NEK11: variants seen among roughly 807,000 people sequenced by gnomAD.
NEK11 encodes the protein serine/threonine-protein kinase Nek11.
Under a neutral mutation model 80.7 loss-of-function variants are expected in NEK11, and 72 were observed. The observed-to-expected ratio is 0.89, with a 90% confidence interval of 0.74 to 1.08. NEK11 has a LOEUF of 1.08. Ranked by LOEUF, NEK11 falls within the 50% of genes least tolerant of loss-of-function variation. The probability of loss-of-function intolerance (pLI) is 0.00; values close to 1 mark genes in which losing one functional copy is unlikely to be tolerated. For synonymous variants in NEK11, 251 were observed against 260.7 expected (o/e 0.96, Z 0.36); for missense variants, 764 against 763.6 (o/e 1.00, Z -0.01).
chr3:131,282,172 G>T (rs2096405624), intron 17 of NEK11, among the ~76,000 whole-genome samples: 2 of 152,024 alleles, frequency 1.3e-5, no homozygotes, highest in African/African-American at 4.8e-5. Flanking sequence ...AGGGGTTTGT[G>T]GTGTTCTAAA....
intron 14 of NEK11, chr3:131,174,988 G>C: frequency 7.3e-7 from 1 of 1,371,332 alleles, no homozygotes; most frequent in Non-Finnish European, 9.4e-7. Flanking sequence ...AATGCTCAGA[G>C]ATAGCTCAGA....
At chr3:131,179,824 A>G (rs555678421) in intron 14 of NEK11, among the ~76,000 whole-genome samples, 56 of 152,314 alleles carry the variant, frequency 3.7e-4, no homozygotes, top group African/African-American at 1.0e-3. Context: ...TAGTTTTATT[A>G]ATGATATATA....
At chr3:131,335,389 G>A (rs1214767705) in intron 17 of NEK11, among the ~76,000 whole-genome samples, 1 of 152,186 alleles carries the variant, frequency 6.6e-6, no homozygotes, top group Non-Finnish European at 1.5e-5. Flanking sequence ...CTCAATAGAT[G>A]CAGAAAAGGC....
At chr3:131,241,853 G>A (rs913790226) in intron 15 of NEK11, among the ~76,000 whole-genome samples, 4 of 151,964 alleles carry the variant, frequency 2.6e-5, no homozygotes, top group African/African-American at 9.7e-5. Flanking sequence ...ATGTTTATGT[G>A]TGTGTGTTTG....
intron 17 of NEK11, among the ~76,000 whole-genome samples, chr3:131,318,221 C>T (rs2096863305): frequency 6.6e-6 from 1 of 152,130 alleles, no homozygotes; most frequent in African/African-American, 2.4e-5. Flanking sequence ...TCAGTTGTGC[C>T]ATAGTATCAT....
At chr3:131,208,316 G>T (rs1231557046) in intron 14 of NEK11, among the ~76,000 whole-genome samples, 3 of 152,158 alleles carry the variant, frequency 2.0e-5, no homozygotes, top group Non-Finnish European at 2.9e-5. Context: ...CTGTTCCAAT[G>T]ATCTATATCT....
chr3:131,254,139 T>A (rs2095760233), intron 16 of NEK11, among the ~76,000 whole-genome samples: 3 of 152,108 alleles, frequency 2.0e-5, no homozygotes, highest in Admixed American at 1.3e-4. Context: ...GACATAAATC[T>A]CTATAAGACA....
At chr3:131,211,365 G>T (rs181302098) in intron 14 of NEK11, among the ~76,000 whole-genome samples, 1,566 of 152,216 alleles carry the variant, frequency 0.01, 23 homozygotes, top group East Asian at 0.078. Flanking sequence ...TTCCCTTTGT[G>T]GGTAACCCAA....
intron 3 of NEK11, among the ~76,000 whole-genome samples, chr3:131,056,022 T>A (rs1283580848): frequency 6.6e-6 from 1 of 152,210 alleles, no homozygotes; most frequent in Non-Finnish European, 1.5e-5. Flanking sequence ...TGTTAATCAG[T>A]TCCCTTTTTC....
chr3:131,277,784 A>G (rs2096322303), intron 17 of NEK11, among the ~76,000 whole-genome samples: 2 of 152,218 alleles, frequency 1.3e-5, no homozygotes, highest in Admixed American at 1.3e-4. Context: ...TCCTTGGACA[A>G]GTTAACCAAA....
At chr3:131,138,242 G>A (rs2086031999) in intron 7 of NEK11, among the ~76,000 whole-genome samples, 1 of 152,146 alleles carries the variant, frequency 6.6e-6, no homozygotes, top group South Asian at 2.1e-4. Flanking sequence ...GAGTCCTTAG[G>A]CCTTAATTGA....
chr3:131,209,000 T>C (rs929414690), intron 14 of NEK11, among the ~76,000 whole-genome samples: 7 of 152,188 alleles, frequency 4.6e-5, no homozygotes, highest in Non-Finnish European at 1.0e-4. Context: ...TCCAACACTA[T>C]GTTGAATAGG....
chr3:131,206,540 A>G (rs1369593227), intron 14 of NEK11, among the ~76,000 whole-genome samples: 1 of 152,260 alleles, frequency 6.6e-6, no homozygotes, highest in Non-Finnish European at 1.5e-5. Context: ...AAATTCAATT[A>G]AAATGAATAC....
At chr3:131,339,959 C>T (rs2097259929) in intron 17 of NEK11, among the ~76,000 whole-genome samples, 2 of 152,116 alleles carry the variant, frequency 1.3e-5, no homozygotes, top group Non-Finnish European at 2.9e-5. Flanking sequence ...ATCCCAAAGG[C>T]GTGAGCAATG....
intron 17 of NEK11, among the ~76,000 whole-genome samples, chr3:131,298,273 G>T (rs1351824827): frequency 6.6e-6 from 1 of 152,020 alleles, no homozygotes; most frequent in Non-Finnish European, 1.5e-5. Context: ...CCATTTTCAC[G>T]ATATTGATTC....
chr3:131,213,027 T>C (rs2094688558), intron 14 of NEK11, among the ~76,000 whole-genome samples: 2 of 152,202 alleles, frequency 1.3e-5, no homozygotes, highest in African/African-American at 4.8e-5. Context: ...GAAGGAATTC[T>C]GTCTCCAGGC....
At chr3:131,149,783 A>G (rs572352437) in intron 7 of NEK11, among the ~76,000 whole-genome samples, 6 of 151,936 alleles carry the variant, frequency 3.9e-5, no homozygotes, top group African/African-American at 1.4e-4. Flanking sequence ...CCTTGCTAGA[A>G]ATCTATTAAA....
At chr3:131,115,868 G>A (rs1264410862) in intron 5 of NEK11, among the ~76,000 whole-genome samples, 1 of 151,894 alleles carries the variant, frequency 6.6e-6, no homozygotes, top group Non-Finnish European at 1.5e-5. Context: ...AGGTATTGTG[G>A]TAGAGTGGCT....
chr3:131,039,911 A>G (rs761490252), intron 3 of NEK11, among the ~76,000 whole-genome samples: 17 of 152,238 alleles, frequency 1.1e-4, no homozygotes, highest in Admixed American at 5.2e-4. Context: ...TTATGTTAGT[A>G]ATAGTTTCTT....
Sources: allele counts gnomAD v4.1 joint callset (sites outside exome capture counted in the v4.1 genomes callset), GRCh38; gene constraint gnomAD v4.1.1; transcripts MANE v1.5; gene names NCBI Gene and HGNC (gene_info 2026-07-23, HGNC 2026-07-21).